The following RIGI variants were observed in gnomAD, a reference collection of about 807,000 sequenced individuals.
RIGI encodes RNA sensor RIG-I, also known as antiviral innate immune response receptor RIG-I.
At chr9:32,472,484 T>C in the RIGI span, among the ~76,000 whole-genome samples, 4 of 152,228 alleles carry the variant, frequency 2.6e-5, no homozygotes, top group African/African-American at 7.2e-5. Context: ...ATTTTACCGA[T>C]GGGATTCAAG....
the RIGI span, among the ~76,000 whole-genome samples, chr9:32,523,208 ATTGG>A: frequency 6.6e-6 from 1 of 152,160 alleles, no homozygotes; most frequent in African/African-American, 2.4e-5. Context: ...TGTCTCAGTG[ATTGG>A]CTTTATGTGC....
At chr9:32,491,546 C>T in the RIGI span, 1 of 664,076 alleles carries the variant, frequency 1.5e-6, no homozygotes, top group East Asian at 2.9e-5. Context: ...CACAACCACT[C>T]CCCTTCACCT....
chr9:32,508,259 A>ATTTTTTTTTTTTTTTTTT, the RIGI span, among the ~76,000 whole-genome samples: 1 of 2,298 alleles, frequency 4.4e-4, no homozygotes, highest in African/African-American at 1.5e-3. Flanking sequence ...TTTTTTTTTT[A>ATTTTTTTTTTTTTTTTTT]CTATATGAAA....
At chr9:32,475,727 TAGTGAAA>T in the RIGI span, among the ~76,000 whole-genome samples, 2 of 152,088 alleles carry the variant, frequency 1.3e-5, no homozygotes, top group African/African-American at 4.8e-5. Flanking sequence ...GATGATAACA[TAGTGAAA>T]ATCCTTGTGA....
chr9:32,484,996 GGAA>G, the RIGI span, among the ~76,000 whole-genome samples: 1 of 152,110 alleles, frequency 6.6e-6, no homozygotes, highest in Non-Finnish European at 1.5e-5. Flanking sequence ...AGGAAAAAAA[GGAA>G]GAAAGAAAGA....
At chr9:32,487,379 G>A in the RIGI span, 2 of 1,221,750 alleles carry the variant, frequency 1.6e-6, no homozygotes, top group African/African-American at 3.0e-5. Context: ...AACAGAGAGA[G>A]GGTCAAAGTT....
chr9:32,472,235 A>G, the RIGI span, among the ~76,000 whole-genome samples: 1 of 152,236 alleles, frequency 6.6e-6, no homozygotes, highest in South Asian at 2.1e-4. Flanking sequence ...GAACATTTCT[A>G]TTTCTAGACA....
chr9:32,474,784 T>C, the RIGI span, among the ~76,000 whole-genome samples: 1 of 152,180 alleles, frequency 6.6e-6, no homozygotes, highest in African/African-American at 2.4e-5. Context: ...TGTAAGATAA[T>C]AGATGTTTGT....
At chr9:32,489,278 G>C in the RIGI span, 7 of 1,134,116 alleles carry the variant, frequency 6.2e-6, no homozygotes, top group Non-Finnish European at 7.7e-6. Flanking sequence ...TTCTGTCCCA[G>C]TATTCAACAA....
chr9:32,519,119 G>A, the RIGI span, among the ~76,000 whole-genome samples: 3 of 152,170 alleles, frequency 2.0e-5, no homozygotes, highest in African/African-American at 7.2e-5. Flanking sequence ...TTGGCTCTGG[G>A]TAACACTATA....
the RIGI span, chr9:32,492,663 G>C: frequency 9.0e-7 from 1 of 1,107,878 alleles, no homozygotes; most frequent in Non-Finnish European, 1.3e-6. Flanking sequence ...CAGCTCAGTG[G>C]GTCATATCCA....
the RIGI span, chr9:32,501,084 C>A: frequency 9.7e-7 from 1 of 1,030,080 alleles, no homozygotes; most frequent in Non-Finnish European, 1.4e-6. Flanking sequence ...GGAGAAGCAG[C>A]AAAACCTCTG....
the RIGI span, among the ~76,000 whole-genome samples, chr9:32,474,261 T>A: frequency 6.9e-6 from 1 of 143,896 alleles, no homozygotes; most frequent in Admixed American, 6.9e-5. Context: ...ATCAAAAAAT[T>A]AATACCTAGG....
At chr9:32,460,257 G>T in the RIGI span, among the ~76,000 whole-genome samples, 14 of 152,084 alleles carry the variant, frequency 9.2e-5, no homozygotes. Context: ...TCCCAATCTC[G>T]GTTATGTCTT....
At chr9:32,473,048 A>G in the RIGI span, 1 of 1,608,556 alleles carries the variant, frequency 6.2e-7, no homozygotes, top group Non-Finnish European at 8.5e-7. Flanking sequence ...GATTTCCTTC[A>G]ATCCAATTTT....
At chr9:32,526,154 G>A in the RIGI span, 13 of 1,612,754 alleles carry the variant, frequency 8.1e-6, no homozygotes, top group South Asian at 1.1e-5. Context: ...CTGCGTCGCT[G>A]CTCGGTGGTC....
chr9:32,494,607 T>C, the RIGI span, among the ~76,000 whole-genome samples: 2 of 152,216 alleles, frequency 1.3e-5, no homozygotes, highest in East Asian at 3.9e-4. Flanking sequence ...GTTAAATTCA[T>C]TTTGTTATAA....
At chr9:32,512,267 A>T in the RIGI span, among the ~76,000 whole-genome samples, 13 of 152,194 alleles carry the variant, frequency 8.5e-5, no homozygotes, top group Non-Finnish European at 1.6e-4. Flanking sequence ...CAAAACCAAA[A>T]AAGAAAATTT....
chr9:32,514,367 C>A, the RIGI span, among the ~76,000 whole-genome samples: 1 of 152,146 alleles, frequency 6.6e-6, no homozygotes, highest in East Asian at 1.9e-4. Context: ...AAATATGGCA[C>A]ATATACACCA....
Sources: gnomAD v4.1 joint callset for allele counts (sites outside exome capture counted in the v4.1 genomes callset) on GRCh38, gnomAD v4.1.1 for gene constraint, MANE v1.5 for transcripts, NCBI Gene and HGNC (gene_info 2026-07-23, HGNC 2026-07-21) for gene names.